The following DCAF1 variants were observed in gnomAD, a reference collection of about 807,000 sequenced individuals.
DCAF1 encodes the protein DDB1 and CUL4 associated factor 1, also known as DDB1- and CUL4-associated factor 1.
In DCAF1, 15 loss-of-function variants were observed where a neutral mutation model predicts 128.0. The ratio of observed to expected loss-of-function variants is 0.12; its 90% CI spans 0.08 to 0.18. The LOEUF is 0.18. DCAF1 is among the 10% of genes least tolerant of loss of function. The pLI, the probability that DCAF1 is intolerant of heterozygous loss-of-function variation, is 1.00. For missense variants in DCAF1, 988 were observed against 1,649.5 expected, an observed-to-expected ratio of 0.60 and a Z score of 6.95; for synonymous variants, 610 against 603.0, an observed-to-expected ratio of 1.01 and a Z score of -0.17.
intron 13 of DCAF1, 125 bp downstream of exon 13, chr3:51,427,247 G>A (rs1232277989): frequency 3.6e-6 from 2 of 562,964 alleles, no homozygotes; most frequent in Non-Finnish European, 6.4e-6. Context: ...TAATTTCTCA[G>A]ATTCAAGTCC....
At chr3:51,449,013 T>G (rs1702125578) in intron 6 of DCAF1, among the ~76,000 whole-genome samples, 1 of 151,786 alleles carries the variant, frequency 6.6e-6, no homozygotes, top group Admixed American at 6.6e-5. Context: ...CAAAATGGAA[T>G]GAAACTAGAA....
At chr3:51,444,111 A>G (rs181494763) in intron 6 of DCAF1, among the ~76,000 whole-genome samples, 5 of 152,286 alleles carry the variant, frequency 3.3e-5, no homozygotes, top group Non-Finnish European at 5.9e-5. Context: ...AACTCAAGCT[A>G]TCTCTTTTAG....
chr3:51,480,729 G>A (rs1440223373), intron 3 of DCAF1, among the ~76,000 whole-genome samples: 1 of 152,056 alleles, frequency 6.6e-6, no homozygotes, highest in African/African-American at 2.4e-5. Flanking sequence ...ACAGTGGGCT[G>A]GGATTACAGG....
At chr3:51,423,562 A>C (rs997014494) in intron 13 of DCAF1, among the ~76,000 whole-genome samples, 6 of 151,772 alleles carry the variant, frequency 4.0e-5, no homozygotes, top group Non-Finnish European at 7.4e-5. Flanking sequence ...TCACGCCGGT[A>C]ATCACAACAA....
chr3:51,412,489 G>A lies in DCAF1; in HGVS notation c.4111-9C>T. On this transcript the variant is annotated splice_polypyrimidine_tract_variant and intron_variant, in intron 22 of 24. Coordinates refer to ENST00000684031, the MANE Select transcript of DCAF1 (RefSeq NM_001387579.1). The stretch of plus-strand genomic sequence containing the variant: ...TCCATGCTGCCTTGATTCTGAAATA[G>A]AACATCCAGTCCATAAGGAGCAGTT... 1 of 1,613,712 alleles carries A rather than the reference G, an allele frequency of 6.2e-7. No individual in the cohort carries two copies. Among genetic ancestry groups the A allele is most frequent in the Non-Finnish European group, 8.5e-7 (1 of 1,179,840 alleles).
chr3:51,425,438 C>G (rs1699815515), intron 13 of DCAF1, among the ~76,000 whole-genome samples: 1 of 151,946 alleles, frequency 6.6e-6, no homozygotes, highest in Non-Finnish European at 1.5e-5. Flanking sequence ...TGCCACTGCA[C>G]TCCAGCCTGG....
chr3:51,414,970 G>A (rs1698747797), intron 18 of DCAF1, 113 bp from the exon 19 acceptor site: 3 of 1,424,944 alleles, frequency 2.1e-6, no homozygotes, highest in Non-Finnish European at 2.8e-6. Context: ...TCTCCACATG[G>A]ATCAATGATT....
intron 13 of DCAF1, among the ~76,000 whole-genome samples, chr3:51,426,259 G>T (rs1553634049): frequency 6.6e-6 from 1 of 151,992 alleles, no homozygotes; most frequent in Admixed American, 6.6e-5. Flanking sequence ...GCCTAGGCTG[G>T]AGTACAGTGG....
intron 9 of DCAF1, chr3:51,437,533 G>C (rs551224250): frequency 2.9e-6 from 1 of 347,454 alleles, no homozygotes; most frequent in South Asian, 2.3e-5. Context: ...GTATAACAGG[G>C]GGCTGGGCAC....
At chr3:51,469,218 C>CA (rs1553647511) in intron 4 of DCAF1, among the ~76,000 whole-genome samples, 2 of 141,628 alleles carry the variant, frequency 1.4e-5, no homozygotes, top group African/African-American at 5.3e-5. Flanking sequence ...TTTCCACACA[C>CA]AAATTTTTTT....
At chr3:51,429,969 TA>T (rs1328038841) in intron 11 of DCAF1, 63 bp downstream of exon 11, 2 of 753,160 alleles carry the variant, frequency 2.7e-6, no homozygotes, top group East Asian at 2.4e-5. Context: ...GGTGTGCCGT[TA>T]AAGGGCAGCC....
chr3:51,401,749 T>C (rs782595500), intron 24 of DCAF1, among the ~76,000 whole-genome samples: 2 of 152,220 alleles, frequency 1.3e-5, no homozygotes, highest in Non-Finnish European at 2.9e-5. Context: ...TGGCCTGCTG[T>C]TTGCTGACCC....
chr3:51,469,697 T>C (rs1444558132), intron 4 of DCAF1, among the ~76,000 whole-genome samples: 2 of 152,094 alleles, frequency 1.3e-5, no homozygotes, highest in Non-Finnish European at 2.9e-5. Context: ...GCAAATTCCA[T>C]ACCAAAGCAG....
chr3:51,485,206 C>T (rs1350718891), intron 2 of DCAF1, among the ~76,000 whole-genome samples: 1 of 152,108 alleles, frequency 6.6e-6, no homozygotes, highest in Non-Finnish European at 1.5e-5. Context: ...TGACCCACCG[C>T]GCCCAGCTCT....
chr3:51,470,972 C>T lies in DCAF1; in HGVS notation c.144G>A (p.Glu48=), dbSNP rs1553648197. 7 of 1,607,072 alleles carry T rather than the reference C, an allele frequency of 4.4e-6. No individual in the cohort carries two copies. The highest frequency in any genetic ancestry group is 6.0e-6 in the Non-Finnish European group (7 of 1,175,574). Residue 48 remains glutamate (E), a synonymous_variant, in exon 4 of 25, where the codon GAG becomes GAA. Transcript: ENST00000684031. The part of the protein sequence containing the change: ...MSQLIEKETE[E]YRKGDPDPFD... ...ATGGGTCTGGATCCCCTTTACGATA[C>T]TCTTCAGTTTCTTTTTCAATCAATT...
At chr3:51,419,629 T>C (rs782121752) in intron 15 of DCAF1, 105 bp downstream of exon 15, 46 of 1,491,916 alleles carry the variant, frequency 3.1e-5, no homozygotes, top group Middle Eastern at 1.8e-4. Flanking sequence ...TTACACAAAG[T>C]AACAATCAGT....
chr3:51,408,718 T>C (rs930492662), intron 23 of DCAF1, among the ~76,000 whole-genome samples: 3 of 152,200 alleles, frequency 2.0e-5, no homozygotes, highest in Non-Finnish European at 4.4e-5. Flanking sequence ...CCTACTCAAA[T>C]AGATACGGTA....
chr3:51,432,734 CAG>C (rs1489705190), intron 10 of DCAF1, among the ~76,000 whole-genome samples: 1 of 152,176 alleles, frequency 6.6e-6, no homozygotes, highest in Non-Finnish European at 1.5e-5. Flanking sequence ...GCTGTGATTA[CAG>C]GCGTGAGCCA....
chr3:51,446,807 C>T (rs1373768585), intron 6 of DCAF1, among the ~76,000 whole-genome samples: 1 of 150,778 alleles, frequency 6.6e-6, no homozygotes, highest in Admixed American at 6.6e-5. Flanking sequence ...ACTAAAAATA[C>T]AAAAATTAGC....
Sources: gnomAD v4.1 joint callset for allele counts (sites outside exome capture counted in the v4.1 genomes callset) on GRCh38, gnomAD v4.1.1 for gene constraint, MANE v1.5 for transcripts, NCBI Gene and HGNC (gene_info 2026-07-23, HGNC 2026-07-21) for gene names.